The following COL19A1 variants were observed in gnomAD, a reference collection of about 807,000 sequenced individuals.
COL19A1 encodes the protein collagen type XIX alpha 1 chain, also known as collagen alpha-1(XIX) chain.
Under a neutral mutation model 190.2 loss-of-function variants are expected in COL19A1, and 159 were observed. The observed-to-expected ratio is 0.84, with a 90% confidence interval of 0.73 to 0.95. The LOEUF (loss-of-function observed/expected upper bound fraction) is 0.95. Among genes scored for constraint, COL19A1 ranks in the 40% least tolerant of loss-of-function variants. The probability of loss-of-function intolerance (pLI) is 0.00; values close to 1 mark genes in which losing one functional copy is unlikely to be tolerated. For synonymous variants in COL19A1, 509 were observed against 458.9 expected (o/e 1.11, Z -1.39); for missense variants, 1,418 against 1,431.9 (o/e 0.99, Z 0.16).
At chr6:70,202,222 C>T (rs964652106) in intron 49 of COL19A1, among the ~76,000 whole-genome samples, 2 of 151,624 alleles carry the variant, frequency 1.3e-5, no homozygotes, top group East Asian at 1.9e-4. Context: ...GATGGTGGCT[C>T]CTCTGAAATT....
chr6:70,152,112 G>T (rs1583035396), intron 31 of COL19A1, among the ~76,000 whole-genome samples: 2 of 151,616 alleles, frequency 1.3e-5, no homozygotes, highest in East Asian at 3.9e-4. Flanking sequence ...GTATGTATTT[G>T]CATGTTTCTG....
chr6:70,149,947 C>T, intron 29 of COL19A1, 43 bp downstream of exon 29: 1 of 1,613,752 alleles, frequency 6.2e-7, no homozygotes, highest in South Asian at 1.1e-5. Flanking sequence ...TTAATCTGCA[C>T]CTGTGCCACG....
At chr6:70,184,526 C>T (rs1401795233) in intron 44 of COL19A1, among the ~76,000 whole-genome samples, 177 bp from the exon 45 acceptor site, 1 of 152,112 alleles carries the variant, frequency 6.6e-6, no homozygotes, top group African/African-American at 2.4e-5. Flanking sequence ...GTGACAGTGT[C>T]AGAATCCGAA....
chr6:69,972,626 T>TA (rs1488968504), intron 11 of COL19A1, among the ~76,000 whole-genome samples: 1 of 152,194 alleles, frequency 6.6e-6, no homozygotes, highest in African/African-American at 2.4e-5. Context: ...TAGCTAGGGA[T>TA]AAAAATTAAT....
intron 31 of COL19A1, 85 bp from the exon 32 acceptor site, chr6:70,156,042 C>CA (rs893365504): frequency 4.3e-6 from 5 of 1,165,700 alleles, no homozygotes; most frequent in Non-Finnish European, 6.1e-6. Context: ...CCAGAGGTTC[C>CA]AAAAAAACTT....
At chr6:70,004,091 T>C (rs928270864) in intron 11 of COL19A1, among the ~76,000 whole-genome samples, 3 of 152,146 alleles carry the variant, frequency 2.0e-5, no homozygotes, top group African/African-American at 7.2e-5. Context: ...CCTCAGCATT[T>C]GCTTGTCTGT....
chr6:70,162,037 T>C, intron 35 of COL19A1, 84 bp downstream of exon 35: 1 of 1,252,928 alleles, frequency 8.0e-7, no homozygotes, highest in Non-Finnish European at 1.1e-6. Flanking sequence ...CATTGCCTTT[T>C]GTTCTCTGTG....
chr6:69,980,475 A>G (rs1775976473), intron 11 of COL19A1, among the ~76,000 whole-genome samples: 2 of 152,170 alleles, frequency 1.3e-5, no homozygotes, highest in East Asian at 3.8e-4. Context: ...TGTGTAATCC[A>G]GGATTAAGTG....
intron 16 of COL19A1, among the ~76,000 whole-genome samples, chr6:70,115,385 G>T (rs1264884955): frequency 6.6e-6 from 1 of 152,084 alleles, no homozygotes; most frequent in Non-Finnish European, 1.5e-5. Flanking sequence ...AATCAAATAA[G>T]ATAATGCATT....
At chr6:69,979,759 TA>T (rs1187478714) in intron 11 of COL19A1, among the ~76,000 whole-genome samples, 1 of 151,532 alleles carries the variant, frequency 6.6e-6, no homozygotes, top group East Asian at 1.9e-4. Flanking sequence ...GGGATATATT[TA>T]AAAAACAATA....
rs547497447 is a variant in COL19A1 at position 70,135,031 on chromosome 6, C to T, written c.1384-2654C>T. Among the ~76,000 whole-genome samples, 32 of 152,226 alleles carry T rather than the reference C, an allele frequency of 2.1e-4. No homozygotes were observed. In the South Asian group the frequency reaches 2.7e-3, roughly 13 times the overall value. On this transcript the variant is annotated intron_variant, in intron 18 of 50. Transcript: ENST00000620364. ...ATCGGGGTCCTTATGACCCCGTCCG[C>T]GGCACTAATTTGCTGGAATGGCTCA...
Position 70,180,540 on chromosome 6 carries a change from A to C in COL19A1, c.2775+17A>C. 6.2e-7 allele frequency: 1 copy of C among 1,608,890 alleles called. No homozygotes were observed. Among genetic ancestry groups the C allele is most frequent in the Non-Finnish European group, 8.5e-7 (1 of 1,175,282 alleles). On this transcript the variant is annotated intron_variant, in intron 44 of 50. Transcript: ENST00000620364. ...GGAAAGCCAGTAAGTACTTCTTACT[A>C]CTTAAAATATGCCACCTAGAGAAAT...
intron 4 of COL19A1, among the ~76,000 whole-genome samples, chr6:69,923,536 T>C (rs1034295494): frequency 6.6e-6 from 1 of 152,158 alleles, no homozygotes; most frequent in African/African-American, 2.4e-5. Flanking sequence ...TTGAAAATAA[T>C]CAGTGGCAAT....
At chr6:69,932,729 C>A in intron 6 of COL19A1, 54 bp from the exon 7 acceptor site, 1 of 1,035,550 alleles carries the variant, frequency 9.7e-7, no homozygotes, top group Non-Finnish European at 1.5e-6. Flanking sequence ...TCTTAACTGC[C>A]TGAATGTGAT....
intron 14 of COL19A1, among the ~76,000 whole-genome samples, chr6:70,065,621 A>G (rs996848537): frequency 6.6e-6 from 1 of 152,154 alleles, no homozygotes; most frequent in African/African-American, 2.4e-5. Flanking sequence ...ATCTAATTAA[A>G]CTAAAGAGCT....
intron 1 of COL19A1, among the ~76,000 whole-genome samples, chr6:69,874,320 T>C (rs998465786): frequency 4.6e-5 from 7 of 152,234 alleles, no homozygotes; most frequent in South Asian, 2.1e-4. Context: ...TCTGAACAAT[T>C]TGTTTTTAAA....
intron 11 of COL19A1, among the ~76,000 whole-genome samples, chr6:69,993,871 A>C (rs1203448163): frequency 2.0e-5 from 3 of 150,848 alleles, no homozygotes. Flanking sequence ...CTAGTGGTCT[A>C]TCAATCTTAT....
At chr6:70,131,450 ATGAAAT>A (rs1785515911) in intron 18 of COL19A1, among the ~76,000 whole-genome samples, 3 of 152,222 alleles carry the variant, frequency 2.0e-5, no homozygotes, top group Admixed American at 6.5e-5. Flanking sequence ...ATGATTGAAA[ATGAAAT>A]TTTCTGCTAA....
rs369049391 is a variant in COL19A1 at position 70,164,262 on chromosome 6, G to T, written c.2400+866G>T. ...GACAGGACACCACACAGTTTTACATGTTTACCCCATTTAAGATCTAAACTG... is the reference window on the plus strand; with the variant it reads ...GACAGGACACCACACAGTTTTACATTTTTACCCCATTTAAGATCTAAACTG... On this transcript the variant is annotated intron_variant, in intron 36 of 50. Transcript: ENST00000620364. Among the ~76,000 whole-genome samples, 40 of 152,222 alleles carry T rather than the reference G, an allele frequency of 2.6e-4. No homozygotes were observed. The East Asian group carries it at 3.1e-3, about 12-fold the overall frequency.
Sources: gnomAD v4.1 joint callset for allele counts (sites outside exome capture counted in the v4.1 genomes callset) on GRCh38, gnomAD v4.1.1 for gene constraint, MANE v1.5 for transcripts, NCBI Gene and HGNC (gene_info 2026-07-23, HGNC 2026-07-21) for gene names.